The following MCRIP1 variants were observed in gnomAD, a reference collection of about 807,000 sequenced individuals.
MCRIP1 encodes mapk-regulated corepressor-interacting protein 1.
Under a neutral mutation model 14.4 loss-of-function variants are expected in MCRIP1, and 10 were observed. The ratio of observed to expected loss-of-function variants is 0.70; its 90% CI spans 0.43 to 1.18. The LOEUF (loss-of-function observed/expected upper bound fraction) is 1.18, where lower values mean the gene tolerates loss of function less well. Ranked by LOEUF, MCRIP1 falls within the 50% of genes most tolerant of loss-of-function variation. The pLI is 0.00. For synonymous variants in MCRIP1, 53 were observed against 55.7 expected (o/e 0.95, Z 0.21); for missense variants, 119 against 135.4 (o/e 0.88, Z 0.60).
Position 81,823,239 on chromosome 17 carries a change from CG to C in MCRIP1, c.*7del. 1.3e-6 allele frequency: 2 copies of C among 1,536,190 alleles called. No individual in the cohort carries two copies. Among genetic ancestry groups the C allele is most frequent in the Non-Finnish European group, 1.7e-6 (2 of 1,146,754 alleles). On this transcript the variant is annotated 3_prime_UTR_variant, in exon 5 of 5. Coordinates refer to ENST00000455127, the MANE Select transcript of MCRIP1 (RefSeq NM_207368.5). This position sits in a 1 kb window ranked among gnomAD's most constrained non-coding sequence, Gnocchi z 6.0. The stretch of plus-strand genomic sequence containing the variant: ...TCTTCCGGAGGCCGGGGAGGGGCAC[CG>C]GGCGCTCTAGGACTTCTTGGCATCC...
intron 1 of MCRIP1, among the ~76,000 whole-genome samples, chr17:81,832,738 C>T (rs554706759): frequency 2.7e-4 from 41 of 152,400 alleles, no homozygotes; most frequent in African/African-American, 9.4e-4. Context: ...CCGTTCTCCC[C>T]GTTAGGCCCA....
At chr17:81,824,609 A>G in intron 1 of MCRIP1, 55 bp from the exon 2 acceptor site, 1 of 1,533,366 alleles carries the variant, frequency 6.5e-7, no homozygotes, top group Non-Finnish European at 8.7e-7. Context: ...TCCAGCACAG[A>G]AGGAGGGGGA....
chr17:81,825,936 G>A (rs1443180445), intron 1 of MCRIP1: 1 of 1,300,316 alleles, frequency 7.7e-7, no homozygotes, highest in African/African-American at 1.5e-5. Context: ...TACAGAGAAA[G>A]GCAGAGCTCA....
In MCRIP1 at chr17:81,822,750, C is replaced by T. The variant is rs758619083; in HGVS notation, c.*497G>A. On this transcript the variant is annotated 3_prime_UTR_variant, in exon 5 of 5. Transcript: ENST00000455127. ...GGGGTAGGTGTGAGAAGCTCCCCAG[C>T]GTGTCCAGGCCACGGGAGCAGCAAG... is the stretch of plus-strand genomic sequence containing the variant. 1.3e-4 allele frequency: 24 copies of T among 184,444 alleles called. No individual in the cohort carries two copies. The highest frequency in any genetic ancestry group is 5.0e-4 in the African/African-American group (21 of 42,210). The allele number at this position is 184,444 out of a possible 1,614,324, so 11.4% of individuals were successfully genotyped here.
intron 1 of MCRIP1, chr17:81,825,737 C>A (rs1227981706): frequency 1.6e-6 from 2 of 1,289,386 alleles, no homozygotes; most frequent in South Asian, 1.2e-5. Context: ...CCAAAAAGGG[C>A]CAGGGGCTCC....
chr17:81,826,006 G>A (rs894889514), intron 1 of MCRIP1: 18 of 1,366,112 alleles, frequency 1.3e-5, no homozygotes, highest in African/African-American at 7.3e-5. Context: ...ACCACTGACC[G>A]ACTGCTGCTT....
intron 1 of MCRIP1, among the ~76,000 whole-genome samples, chr17:81,829,554 C>T (rs1454945995): frequency 6.6e-6 from 1 of 152,250 alleles, no homozygotes; most frequent in Non-Finnish European, 1.5e-5. Flanking sequence ...ATCTTTGAAA[C>T]TGGGCTGCGC....
chr17:81,824,867 C>T (rs1412551043), intron 1 of MCRIP1: 31 of 1,266,530 alleles, frequency 2.4e-5, no homozygotes, highest in Non-Finnish European at 3.0e-5. Flanking sequence ...GCCCCAGCAC[C>T]GGGAGCACTG....
intron 1 of MCRIP1, among the ~76,000 whole-genome samples, chr17:81,827,099 CAG>C (rs1463723469): frequency 6.8e-6 from 1 of 146,798 alleles, no homozygotes; most frequent in Non-Finnish European, 1.5e-5. Context: ...GCTTGGGCGA[CAG>C]AGCAAGACTC....
At chr17:81,829,206 C>T (rs956966368) in intron 1 of MCRIP1, among the ~76,000 whole-genome samples, 4 of 150,644 alleles carry the variant, frequency 2.7e-5, no homozygotes, top group African/African-American at 9.8e-5. Context: ...ACTGACACCT[C>T]AGCTGCCCAG....
At chr17:81,825,409 C>G in intron 1 of MCRIP1, 1 of 1,191,048 alleles carries the variant, frequency 8.4e-7, no homozygotes, top group Non-Finnish European at 1.1e-6. Context: ...CTGCCCTGCT[C>G]CAGAGGGGGC....
chr17:81,826,673 G>A, intron 1 of MCRIP1: 1 of 389,882 alleles, frequency 2.6e-6, no homozygotes, highest in South Asian at 3.5e-5. Context: ...TACAAAATTA[G>A]TTGGGCGTGG....
At chr17:81,828,002 G>A (rs1598253433) in intron 1 of MCRIP1, among the ~76,000 whole-genome samples, 3 of 151,704 alleles carry the variant, frequency 2.0e-5, no homozygotes, top group Non-Finnish European at 2.9e-5. Flanking sequence ...GGATGGTCTC[G>A]ATCTCCTGAC....
At chr17:81,832,231 G>C (rs767501230) in intron 1 of MCRIP1, among the ~76,000 whole-genome samples, 31 of 152,112 alleles carry the variant, frequency 2.0e-4, no homozygotes, top group Non-Finnish European at 2.9e-4. Flanking sequence ...TATTGCCCAA[G>C]CAGGCGCACG....
In MCRIP1 at chr17:81,823,318, G is replaced by C; in HGVS notation, c.230-7C>G. The C allele has an allele frequency of 6.5e-7, 1 of 1,536,980 alleles. No homozygotes were observed. Among genetic ancestry groups the C allele is most frequent in the East Asian group, 2.4e-5 (1 of 40,900 alleles). On this transcript the variant is annotated splice_polypyrimidine_tract_variant and splice_region_variant and intron_variant, in intron 4 of 4. Coordinates refer to ENST00000455127, the MANE Select transcript of MCRIP1 (RefSeq NM_207368.5). This position sits in a 1 kb window ranked among gnomAD's most constrained non-coding sequence, Gnocchi z 6.0. ...AGGTCGATGGGCTTGAAGGCTGCCA[G>C]GGGACAACGCGGTAGGTGGTGGGCA...
At chr17:81,826,155 C>T (rs1228580802) in intron 1 of MCRIP1, 12 of 1,494,096 alleles carry the variant, frequency 8.0e-6, no homozygotes, top group Non-Finnish European at 9.8e-6. Flanking sequence ...GTCACTCCTG[C>T]CCCAGATCCC....
Position 81,825,321 on chromosome 17 carries a change from G to A in MCRIP1, c.-48-767C>T, listed in dbSNP as rs1422702036. ...TTTTGAGGCTCAGACGCTCACACTG[G>A]CAGGCTGGACAGTGTCCCCACTCCA... On this transcript the variant is annotated intron_variant, in intron 1 of 4. Coordinates refer to ENST00000455127, the MANE Select transcript of MCRIP1 (RefSeq NM_207368.5). 8 of 1,140,618 alleles carry A rather than the reference G, an allele frequency of 7.0e-6. No individual in the cohort carries two copies. In the East Asian group the frequency reaches 4.8e-4, roughly 68 times the overall value. 70.7% of individuals were successfully genotyped at this position (1,140,618 alleles called of 1,614,324 possible).
Position 81,823,108 on chromosome 17 carries a change from G to C in MCRIP1, c.*139C>G. ...GCTTGGGAAGGAGAGGCAGGCCTCA[G>C]CCGTCAGTCACGCCAGTGCTGGGAT... On this transcript the variant is annotated 3_prime_UTR_variant, in exon 5 of 5. Coordinates refer to ENST00000455127, the MANE Select transcript of MCRIP1 (RefSeq NM_207368.5). The surrounding 1 kb of genome is among the most constrained non-coding windows in gnomAD (Gnocchi z 6.0). The C allele has an allele frequency of 1.3e-6, 1 of 792,010 alleles. No homozygotes were observed. The highest frequency in any genetic ancestry group is 1.6e-5 in the South Asian group (1 of 63,044). The allele number at this position is 792,010 out of a possible 1,614,324, so 49.1% of individuals were successfully genotyped here. A position where few individuals can be genotyped will look rare whatever the true frequency, so the allele number is the denominator to read the frequency against.
At chr17:81,825,967 G>A in intron 1 of MCRIP1, 1 of 1,319,888 alleles carries the variant, frequency 7.6e-7, no homozygotes, top group Non-Finnish European at 9.9e-7. Flanking sequence ...AGACTGGCCA[G>A]CCCCCTGCCT....
Sources: allele counts gnomAD v4.1 joint callset (sites outside exome capture counted in the v4.1 genomes callset), GRCh38; gene constraint gnomAD v4.1.1; non-coding constraint Gnocchi (gnomAD v3.1); transcripts MANE v1.5; gene names NCBI Gene and HGNC (gene_info 2026-07-23, HGNC 2026-07-21).